The following WDR3 variants were observed in gnomAD, a reference collection of about 807,000 sequenced individuals.
WDR3 encodes the protein WD repeat-containing protein 3.
WDR3 carries 81 observed loss-of-function variants against 123.7 expected under a neutral mutation model. That is an observed-to-expected ratio of 0.65 (90% CI 0.55 to 0.79). WDR3 has a LOEUF of 0.79. WDR3 is among the 30% of genes least tolerant of loss of function. WDR3 has a pLI of 0.00. For synonymous variants in WDR3, 390 were observed against 388.8 expected (o/e 1.00, Z -0.04); for missense variants, 1,027 against 1,123.2 (o/e 0.91, Z 1.22).
In WDR3 at chr1:117,960,553, C is replaced by T. The variant is rs890805931; in HGVS notation, c.*1106C>T. 1.3e-5 allele frequency: 2 copies of T among 152,228 alleles called. No individual in the cohort carries two copies. Among genetic ancestry groups the T allele is most frequent in the Non-Finnish European group, 1.5e-5 (1 of 68,058 alleles). 9.4% of individuals were successfully genotyped at this position (152,228 alleles called of 1,614,324 possible). The stretch of plus-strand genomic sequence containing the variant: ...TTTCTTGTAATGTCATGACTTTTCT[C>T]TGCTTTTTGGGAGCACTGTGATATG... On this transcript the variant is annotated 3_prime_UTR_variant, in exon 27 of 27. Transcript: ENST00000349139.
intron 1 of WDR3, among the ~76,000 whole-genome samples, chr1:117,932,384 T>A (rs1214085319): frequency 6.6e-6 from 1 of 152,184 alleles, no homozygotes; most frequent in Non-Finnish European, 1.5e-5. Flanking sequence ...AATGAAAAAT[T>A]CTAGGCCCTA....
intron 6 of WDR3, among the ~76,000 whole-genome samples, chr1:117,939,946 T>C (rs1351723008): frequency 2.0e-5 from 3 of 152,220 alleles, no homozygotes; most frequent in African/African-American, 7.2e-5. Flanking sequence ...CTATAACTTT[T>C]TCTTAGACAT....
At position 117,958,998 on chromosome 1, in the gene WDR3, G is replaced by A. The variant is rs776243159; in HGVS notation, c.2671G>A (p.Val891Ile). The A allele has an allele frequency of 1.2e-6, 2 of 1,613,772 alleles. No homozygotes were observed. The highest frequency in any genetic ancestry group is 1.1e-5 in the South Asian group (1 of 91,060). Residue 891 changes from valine (V) to isoleucine (I), a missense_variant, in exon 26 of 27, where the codon GTC becomes ATC. By Grantham distance (29) the Val-to-Ile change is conservative. Coordinates refer to ENST00000349139, the MANE Select transcript of WDR3 (RefSeq NM_006784.3). ...RETTISKVSQ[V>I]RDVIGFNMAG... ...AACAACTATTTCAAAAGTCAGCCAA[G>A]TCCGGGTAAGTGTCTTTGTATAGAG...
chr1:117,946,755 C>T (rs1161039889), intron 12 of WDR3, among the ~76,000 whole-genome samples: 1 of 151,922 alleles, frequency 6.6e-6, no homozygotes, highest in Non-Finnish European at 1.5e-5. Flanking sequence ...TCCTGGCTAA[C>T]ACGGTGAAAC....
In WDR3 at chr1:117,938,421, A is replaced by G. The variant is rs1359852349; in HGVS notation, c.501-59A>G. 1.4e-5 allele frequency: 20 copies of G among 1,399,280 alleles called. No homozygotes were observed. The Admixed American group carries it at 1.6e-4, about 11-fold the overall frequency. 86.7% of individuals were successfully genotyped at this position (1,399,280 alleles called of 1,614,324 possible). ...GCAACAGTGAGTTTTGGATCTCCCT[A>G]TTCGTTGAATGAGTTTTCCTAAACA... On this transcript the variant is annotated intron_variant, in intron 4 of 26. Coordinates refer to ENST00000349139, the MANE Select transcript of WDR3 (RefSeq NM_006784.3).
intron 16 of WDR3, among the ~76,000 whole-genome samples, chr1:117,951,263 T>C (rs2101219566): frequency 6.6e-6 from 1 of 152,168 alleles, no homozygotes; most frequent in Admixed American, 6.6e-5. Context: ...AGCTCGGATT[T>C]ATATTTGGAT....
Position 117,955,321 on chromosome 1 carries a change from G to T in WDR3, c.2416G>T (p.Ala806Ser). 1 of 1,611,502 alleles carries T rather than the reference G, an allele frequency of 6.2e-7. No individual in the cohort carries two copies. The highest frequency in any genetic ancestry group is 8.5e-7 in the Non-Finnish European group (1 of 1,178,416). The change falls in exon 24 of 27, where the codon GCT becomes TCT. Residue 806 changes from alanine (A) to serine (S), a missense_variant. Transcript: ENST00000349139. ...LMAYGSISPS[A>S]YVLEIFKGIK... ...ATTAATCCTTCCTTTATAGCCTTCAGCTTATGTATTAGAGATTTTTAAAGG... is the reference window on the plus strand; with the variant it reads ...ATTAATCCTTCCTTTATAGCCTTCATCTTATGTATTAGAGATTTTTAAAGG...
At chr1:117,952,475 A>T in intron 18 of WDR3, 53 bp from the exon 19 acceptor site, 2 of 1,600,098 alleles carry the variant, frequency 1.2e-6, no homozygotes, top group Non-Finnish European at 8.5e-7. Context: ...TACATTACCC[A>T]CTAAGTAGTG....
chr1:117,943,496 A>G lies in WDR3; in HGVS notation c.1198A>G (p.Thr400Ala), dbSNP rs141364091. 2.8e-3 allele frequency: 4,439 copies of G among 1,613,728 alleles called. 12 individuals are homozygous for G. Among genetic ancestry groups the G allele is most frequent in the Non-Finnish European group, 3.2e-3 (3,804 of 1,179,940 alleles). The change falls in exon 11 of 27, where the codon ACT (threonine) becomes GCT (alanine). Residue 400 changes from threonine to alanine, a missense_variant. Coordinates refer to ENST00000349139, the MANE Select transcript of WDR3 (RefSeq NM_006784.3). The part of the protein sequence containing the change: ...ELYSLNPSLP[T>A]PQPVRTSRIT... ...GTATTCACTGAATCCATCCTTGCCT[A>G]CTCCTCAGCCTGTCAGGACAAGCAG...
intron 6 of WDR3, 76 bp from the exon 7 acceptor site, chr1:117,940,740 CAACAACAACAA>C (rs1368025475): frequency 3.0e-5 from 37 of 1,249,252 alleles, no homozygotes; most frequent in African/African-American, 3.1e-5. Context: ...ACAACAACAA[CAACAACAACAA>C]AACAACAACA....
intron 12 of WDR3, among the ~76,000 whole-genome samples, chr1:117,947,038 G>C (rs1651432601): frequency 6.6e-6 from 1 of 151,120 alleles, no homozygotes; most frequent in Admixed American, 6.6e-5. Flanking sequence ...CTTGCTTTTT[G>C]ACAGCAGCTT....
intron 24 of WDR3, 68 bp downstream of exon 24, chr1:117,955,426 G>C: frequency 7.0e-7 from 1 of 1,420,608 alleles, no homozygotes. Context: ...TTATCTGAAC[G>C]GGAAATAAAT....
intron 3 of WDR3, 48 bp downstream of exon 3, chr1:117,934,730 G>T (rs1372695834): frequency 6.3e-7 from 1 of 1,594,512 alleles, no homozygotes. Context: ...AGGAATGTAA[G>T]GCTTATGCTG....
At chr1:117,937,548 G>A (rs115897212) in intron 4 of WDR3, among the ~76,000 whole-genome samples, 2,861 of 152,244 alleles carry the variant, frequency 0.019, 78 homozygotes, top group South Asian at 0.12. Flanking sequence ...AGGTAAATTA[G>A]TGTCTTGTTC....
rs558953422 is a variant in WDR3, at chr1:117,940,885, A to G, written c.734A>G (p.Gln245Arg). 1 of 1,614,084 alleles carries G rather than the reference A, an allele frequency of 6.2e-7. No homozygotes were observed. The highest frequency in any genetic ancestry group is 1.3e-5 in the African/African-American group (1 of 75,038). ...ATCAAAGGATCTTCTCCTGGAATACAAGATACTCTTGAGGCAGAGGATGGT... is the reference window on the plus strand; with the variant it reads ...ATCAAAGGATCTTCTCCTGGAATACGAGATACTCTTGAGGCAGAGGATGGT... ...KKIKGSSPGI[Q>R]DTLEAEDGAF... The change falls in exon 7 of 27, where the codon CAA becomes CGA. Residue 245 changes from glutamine to arginine, a missense_variant. Transcript: ENST00000349139.
intron 24 of WDR3, among the ~76,000 whole-genome samples, chr1:117,956,328 G>A: frequency 6.6e-6 from 1 of 152,022 alleles, no homozygotes; most frequent in East Asian, 1.9e-4. Flanking sequence ...TATTATTTGT[G>A]ATTTTCCTTT....
chr1:117,938,425 G>T (rs11587893), intron 4 of WDR3, 55 bp from the exon 5 acceptor site: 1 of 1,453,918 alleles, frequency 6.9e-7, no homozygotes, highest in African/African-American at 1.4e-5. Flanking sequence ...CTCCCTATTC[G>T]TTGAATGAGT....
chr1:117,938,136 G>A lies in WDR3; in HGVS notation c.501-344G>A, dbSNP rs538484595. On this transcript the variant is annotated intron_variant, in intron 4 of 26. Coordinates refer to ENST00000349139, the MANE Select transcript of WDR3 (RefSeq NM_006784.3). ...ACAGGAAGACAAGGGAGTGGGAGCGGTCTAAGATGTTTCCATGGTAGACTG... is the reference window on the plus strand; with the variant it reads ...ACAGGAAGACAAGGGAGTGGGAGCGATCTAAGATGTTTCCATGGTAGACTG... Among the ~76,000 whole-genome samples, 118 of 152,296 alleles carry A rather than the reference G, an allele frequency of 7.7e-4. 2 individuals carry two copies. The highest frequency in any genetic ancestry group is 7.3e-3 in the Admixed American group (112 of 15,294).
chr1:117,933,673 T>C (rs1650816360), intron 2 of WDR3, 183 bp downstream of exon 2: 2 of 726,130 alleles, frequency 2.8e-6, no homozygotes, highest in African/African-American at 1.8e-5. Context: ...TCTTCGCCAC[T>C]GAATTCTGAA....
Sources: gnomAD v4.1 joint callset for allele counts (sites outside exome capture counted in the v4.1 genomes callset) on GRCh38, gnomAD v4.1.1 for gene constraint, MANE v1.5 for transcripts, NCBI Gene and HGNC (gene_info 2026-07-23, HGNC 2026-07-21) for gene names.